CFDP1: variants seen among roughly 807,000 people sequenced by gnomAD.
CFDP1 encodes chromatin remodeling protein CFDP1, also known as heterochromatin-stabilizing protein CFDP1.
CFDP1 carries 31 observed loss-of-function variants against 40.1 expected under a neutral mutation model. The observed-to-expected ratio is 0.77, with a 90% CI of 0.58 to 1.04. The LOEUF (loss-of-function observed/expected upper bound fraction) is 1.04, where lower values mean the gene tolerates loss of function less well. CFDP1 is among the 50% of genes least tolerant of loss of function. The pLI is 0.00. For missense variants in CFDP1, 423 were observed against 343.4 expected, an observed-to-expected ratio of 1.23 and a Z score of -1.83; for synonymous variants, 167 against 120.0, an observed-to-expected ratio of 1.39 and a Z score of -2.56.
chr16:75,415,140 T>A (rs1024987094), intron 1 of CFDP1, among the ~76,000 whole-genome samples: 5 of 152,210 alleles, frequency 3.3e-5, no homozygotes, highest in African/African-American at 1.2e-4. Flanking sequence ...AAAAACACTT[T>A]GTCTTCTCAA....
At position 75,433,461 on chromosome 16, in the gene CFDP1, G is replaced by T. The variant is rs74024782; in HGVS notation, c.-109C>A. On this transcript the variant is annotated 5_prime_UTR_variant, in exon 1 of 7. Transcript: ENST00000283882. ...CCCCGGCGGCGGCGACGGCAGCTAG[G>T]GCGGCCCCCGACAGCGCTTTGCACA... 1.9e-6 allele frequency: 2 copies of T among 1,055,700 alleles called. No individual in the cohort carries two copies. Among genetic ancestry groups the T allele is most frequent in the African/African-American group, 1.6e-5 (1 of 63,580 alleles). 65.4% of individuals were successfully genotyped at this position (1,055,700 alleles called of 1,614,324 possible). A position where few individuals can be genotyped will look rare whatever the true frequency, so the allele number is the denominator to read the frequency against.
chr16:75,338,594 C>T (rs1267012571), intron 5 of CFDP1, among the ~76,000 whole-genome samples: 9 of 152,244 alleles, frequency 5.9e-5, no homozygotes, highest in Middle Eastern at 3.4e-3. Flanking sequence ...CTGTTGAGAG[C>T]GTGCAGCTGC....
chr16:75,305,791 A>G (rs2078252849), intron 5 of CFDP1, among the ~76,000 whole-genome samples: 1 of 152,176 alleles, frequency 6.6e-6, no homozygotes, highest in South Asian at 2.1e-4. Context: ...GTACTGTAAG[A>G]GGGTTCTAAA....
intron 6 of CFDP1, among the ~76,000 whole-genome samples, chr16:75,299,821 C>T (rs918298579): frequency 7.9e-5 from 12 of 152,054 alleles, no homozygotes; most frequent in African/African-American, 9.7e-5. Flanking sequence ...GTAAGTGTCA[C>T]GGAGAAAATC....
chr16:75,342,248 T>C (rs1186966534), intron 5 of CFDP1, among the ~76,000 whole-genome samples: 2 of 152,208 alleles, frequency 1.3e-5, no homozygotes, highest in East Asian at 1.9e-4. Context: ...TGAATTACCA[T>C]TGCTGGAAAA....
At chr16:75,407,640 G>T (rs1412007312) in intron 4 of CFDP1, among the ~76,000 whole-genome samples, 23 of 120,176 alleles carry the variant, frequency 1.9e-4, no homozygotes, top group Middle Eastern at 0.013. Context: ...GAATGACAGA[G>T]CAAGACCCTG....
At chr16:75,334,422 T>C (rs1261685031) in intron 5 of CFDP1, among the ~76,000 whole-genome samples, 1 of 150,600 alleles carries the variant, frequency 6.6e-6, no homozygotes, top group Non-Finnish European at 1.5e-5. Context: ...AGAGAACATC[T>C]GCACTTTCCT....
rs10706144 is a variant in CFDP1, at chr16:75,420,111, CAA to C, written c.65-5418_65-5417del. On this transcript the variant is annotated intron_variant, in intron 1 of 6. Transcript: ENST00000283882. ...GAACAACACAGTGAGACCTTCATCTCAAAAAAAAAAAAAAAAAAAAAAAAATT... is the reference window on the plus strand; with the variant it reads ...GAACAACACAGTGAGACCTTCATCTCAAAAAAAAAAAAAAAAAAAAAAATT... Among the ~76,000 whole-genome samples the C allele has an allele frequency of 0.018, 1,137 of 62,568 alleles. 38 individuals carry two copies. The East Asian group carries it at 0.3, about 17-fold the overall frequency. 41.0% of individuals were successfully genotyped at this position (62,568 alleles called of 152,430 possible).
At chr16:75,303,192 C>G (rs1237744035) in intron 6 of CFDP1, among the ~76,000 whole-genome samples, 3 of 144,450 alleles carry the variant, frequency 2.1e-5, no homozygotes, top group African/African-American at 7.7e-5. Flanking sequence ...ATGGTGAAAC[C>G]CCGTCTCTAC....
At chr16:75,302,088 G>A (rs1746251872) in intron 6 of CFDP1, among the ~76,000 whole-genome samples, 2 of 152,180 alleles carry the variant, frequency 1.3e-5, no homozygotes, top group African/African-American at 4.8e-5. Context: ...GAAAAGCAGA[G>A]CATAAAGGAG....
intron 5 of CFDP1, among the ~76,000 whole-genome samples, chr16:75,332,143 G>C (rs1055265097): frequency 2.0e-5 from 3 of 152,060 alleles, no homozygotes; most frequent in Non-Finnish European, 2.9e-5. Context: ...TTAGAAAACT[G>C]AGTTCAGACA....
intron 5 of CFDP1, among the ~76,000 whole-genome samples, chr16:75,353,023 C>G (rs1426197623): frequency 2.0e-5 from 3 of 152,108 alleles, no homozygotes; most frequent in Non-Finnish European, 4.4e-5. Context: ...GAGGATGTAA[C>G]CAGCAAAACC....
chr16:75,429,169 G>A (rs1356834805), intron 1 of CFDP1, among the ~76,000 whole-genome samples: 1 of 151,992 alleles, frequency 6.6e-6, no homozygotes, highest in Non-Finnish European at 1.5e-5. Context: ...ACCAGCTTCC[G>A]GAGACAAACA....
At chr16:75,331,903 C>T (rs1040932406) in intron 5 of CFDP1, among the ~76,000 whole-genome samples, 1 of 152,200 alleles carries the variant, frequency 6.6e-6, no homozygotes, top group Admixed American at 6.5e-5. Context: ...GTTAAGAACT[C>T]TCACACGTTA....
At position 75,414,685 on chromosome 16, in the gene CFDP1, A is replaced by G; in HGVS notation, c.75T>C (p.Tyr25=). Reference sequence around the variant, plus strand: ...CTAATTCATTTACATCATCTTCACTATACTCTCCACCTGAAATCACATAAC... The same window carrying G: ...CTAATTCATTTACATCATCTTCACTGTACTCTCCACCTGAAATCACATAAC... The part of the protein sequence containing the change: ...DEDYVPSGGE[Y]SEDDVNELVK... Residue 25 remains tyrosine, a synonymous_variant, in exon 2 of 7, where the codon TAT becomes TAC. Coordinates refer to ENST00000283882, the MANE Select transcript of CFDP1 (RefSeq NM_006324.3). 3 of 1,601,874 alleles carry G rather than the reference A, an allele frequency of 1.9e-6. No individual in the cohort carries two copies. The highest frequency in any genetic ancestry group is 4.5e-5 in the East Asian group (2 of 44,798).
intron 5 of CFDP1, among the ~76,000 whole-genome samples, chr16:75,362,184 C>A (rs952883552): frequency 3.3e-5 from 5 of 152,232 alleles, no homozygotes; most frequent in Admixed American, 6.5e-5. Flanking sequence ...GTCTGCCCTA[C>A]AGGCTTCAAG....
chr16:75,310,351 CCACCATGCCAAACCAAGACCTATCATAA>C (rs756927180), intron 5 of CFDP1, among the ~76,000 whole-genome samples: 19 of 152,124 alleles, frequency 1.2e-4, no homozygotes, highest in Non-Finnish European at 2.8e-4. Context: ...AACTCCCTTC[CCACCATGCCAAACCAAGACCTATCATAA>C]CACCAGACAC....
chr16:75,420,432 C>T (rs934047598), intron 1 of CFDP1, among the ~76,000 whole-genome samples: 4 of 152,168 alleles, frequency 2.6e-5, no homozygotes, highest in East Asian at 1.9e-4. Flanking sequence ...ACTAAAACAA[C>T]GCCATGAGGG....
chr16:75,357,534 G>A (rs775915172), intron 5 of CFDP1, among the ~76,000 whole-genome samples: 1 of 152,176 alleles, frequency 6.6e-6, no homozygotes, highest in East Asian at 1.9e-4. Context: ...GATTACAGGT[G>A]TAAGCTCCTG....
Sources: allele counts gnomAD v4.1 joint callset (sites outside exome capture counted in the v4.1 genomes callset), GRCh38; gene constraint gnomAD v4.1.1; transcripts MANE v1.5; gene names NCBI Gene and HGNC (gene_info 2026-07-23, HGNC 2026-07-21).